Variants in PACRG observed in about 807,000 individuals in gnomAD.
PACRG encodes parkin coregulated.
In PACRG, 29 loss-of-function variants were observed where a neutral mutation model predicts 29.7. That is an observed-to-expected ratio of 0.98 (90% CI 0.73 to 1.33). PACRG has a LOEUF of 1.33. Among genes scored for constraint, PACRG ranks in the 40% most tolerant of loss-of-function variants. The pLI is 0.00. For synonymous variants in PACRG, 116 were observed against 118.7 expected (o/e 0.98, Z 0.15); for missense variants, 279 against 316.2 (o/e 0.88, Z 0.89).
intron 2 of PACRG, among the ~76,000 whole-genome samples, chr6:162,877,073 A>G (rs1203473301): frequency 3.9e-5 from 6 of 152,182 alleles, no homozygotes; most frequent in Admixed American, 6.5e-5. Context: ...TGACCCAGCA[A>G]TCCCATTACT....
chr6:163,197,651 G>A (rs1043180517), intron 4 of PACRG, among the ~76,000 whole-genome samples: 20 of 151,466 alleles, frequency 1.3e-4, no homozygotes, highest in Middle Eastern at 3.4e-3. Flanking sequence ...GGGTTTCACC[G>A]TGTTAGCCAG....
At chr6:163,168,145 C>A (rs1295875153) in intron 4 of PACRG, among the ~76,000 whole-genome samples, 1 of 152,148 alleles carries the variant, frequency 6.6e-6, no homozygotes, top group Admixed American at 6.5e-5. Context: ...CCTAAAGTAT[C>A]CTGTAGGAAA....
intron 2 of PACRG, among the ~76,000 whole-genome samples, chr6:163,021,346 G>T (rs1360846535): frequency 1.3e-5 from 2 of 152,192 alleles, no homozygotes; most frequent in African/African-American, 4.8e-5. Context: ...GAAGCCAGGA[G>T]TTGTCCTTGG....
chr6:163,053,495 T>C (rs1810242062), intron 2 of PACRG, among the ~76,000 whole-genome samples: 1 of 152,192 alleles, frequency 6.6e-6, no homozygotes, highest in Non-Finnish European at 1.5e-5. Context: ...ATTTTTTAAA[T>C]GTACAACTAT....
At chr6:163,034,192 A>G (rs1365346456) in intron 2 of PACRG, among the ~76,000 whole-genome samples, 1 of 151,950 alleles carries the variant, frequency 6.6e-6, no homozygotes, top group African/African-American at 2.4e-5. Context: ...GCTGCTTGTC[A>G]GTAGCAAAGG....
intron 2 of PACRG, among the ~76,000 whole-genome samples, chr6:162,999,836 T>G (rs184386722): frequency 6.6e-6 from 1 of 152,340 alleles, no homozygotes; most frequent in Non-Finnish European, 1.5e-5. Flanking sequence ...GCCTGGTATT[T>G]TGCAGTCTTT....
chr6:163,251,555 A>G (rs1484148392), intron 4 of PACRG, among the ~76,000 whole-genome samples: 3 of 151,998 alleles, frequency 2.0e-5, no homozygotes, highest in African/African-American at 7.3e-5. Context: ...TTTTGGGAAC[A>G]CTCTTAGTGT....
At chr6:163,267,017 G>A (rs534556089) in intron 4 of PACRG, among the ~76,000 whole-genome samples, 1 of 152,324 alleles carries the variant, frequency 6.6e-6, no homozygotes, top group Admixed American at 6.5e-5. Flanking sequence ...CCAGGGCCAG[G>A]GGCATGAAAG....
intron 1 of PACRG, among the ~76,000 whole-genome samples, chr6:162,780,673 A>G (rs1485296761): frequency 6.6e-6 from 1 of 152,158 alleles, no homozygotes; most frequent in African/African-American, 2.4e-5. Context: ...GAGCTAGAAG[A>G]TACATCTTAC....
At chr6:162,883,199 A>T (rs533666253) in intron 2 of PACRG, among the ~76,000 whole-genome samples, 24,683 of 152,100 alleles carry the variant, frequency 0.16, 2,165 homozygotes, top group Middle Eastern at 0.2. Context: ...TTTTTTAAAA[A>T]TGTGATTTCA....
At chr6:163,250,906 T>TATATATATATATATATATATAC (rs1026185460) in intron 4 of PACRG, among the ~76,000 whole-genome samples, 73 of 149,258 alleles carry the variant, frequency 4.9e-4, no homozygotes, top group African/African-American at 1.7e-3. Context: ...TATATATATA[T>TATATATATATATATATATATAC]ACACTATGGA....
chr6:163,099,958 A>G (rs1339031350), intron 4 of PACRG, among the ~76,000 whole-genome samples: 10 of 152,122 alleles, frequency 6.6e-5, no homozygotes, highest in Non-Finnish European at 4.4e-5. Context: ...CTCCCCGCCC[A>G]GCGCGGACGG....
intron 4 of PACRG, among the ~76,000 whole-genome samples, chr6:163,170,234 G>C (rs1160755623): frequency 1.3e-5 from 2 of 152,118 alleles, no homozygotes; most frequent in Admixed American, 1.3e-4. Context: ...CTGTGGCTTA[G>C]AGCGGGGAAC....
At chr6:162,990,323 A>G (rs1803333356) in intron 2 of PACRG, among the ~76,000 whole-genome samples, 1 of 151,856 alleles carries the variant, frequency 6.6e-6, no homozygotes, top group African/African-American at 2.4e-5. Context: ...ACTGACTTCC[A>G]CAATGGTTGA....
intron 2 of PACRG, among the ~76,000 whole-genome samples, chr6:163,011,328 C>G (rs1805594891): frequency 6.6e-6 from 1 of 152,174 alleles, no homozygotes; most frequent in Admixed American, 6.5e-5. Flanking sequence ...CCGATTGCCC[C>G]CAGGAAATAA....
At chr6:162,843,367 C>G (rs1432087858) in intron 2 of PACRG, among the ~76,000 whole-genome samples, 2 of 150,844 alleles carry the variant, frequency 1.3e-5, no homozygotes, top group Admixed American at 6.6e-5. Context: ...ATTGCTGATA[C>G]CCTTTCTTCT....
intron 2 of PACRG, among the ~76,000 whole-genome samples, chr6:162,989,718 C>A (rs1296092776): frequency 5.8e-5 from 7 of 121,050 alleles, no homozygotes; most frequent in African/African-American, 2.4e-4. Context: ...GTGTTCAGTA[C>A]TTCCTTTTTT....
chr6:162,995,515 C>T (rs181122426), intron 2 of PACRG, among the ~76,000 whole-genome samples: 45 of 152,290 alleles, frequency 3.0e-4, no homozygotes, highest in African/African-American at 9.4e-4. Context: ...CAGGTGCGTC[C>T]GTCACCCCTT....
intron 4 of PACRG, among the ~76,000 whole-genome samples, chr6:163,109,209 T>C (rs1404043496): frequency 6.6e-6 from 1 of 152,240 alleles, no homozygotes; most frequent in East Asian, 1.9e-4. Context: ...AATCCAATGG[T>C]GTACTCTTTC....
Sources: gnomAD v4.1 joint callset for allele counts (sites outside exome capture counted in the v4.1 genomes callset) on GRCh38, gnomAD v4.1.1 for gene constraint, MANE v1.5 for transcripts, NCBI Gene and HGNC (gene_info 2026-07-23, HGNC 2026-07-21) for gene names.